CSMD1: variants seen among roughly 807,000 people sequenced by gnomAD.
CSMD1 encodes the protein CUB and Sushi multiple domains 1, also known as CUB and sushi domain-containing protein 1.
A neutral mutation model predicts 417.5 loss-of-function variants in CSMD1; 213 were observed. The observed-to-expected ratio is 0.51, with a 90% confidence interval of 0.46 to 0.57. The LOEUF (loss-of-function observed/expected upper bound fraction) is 0.57. Among genes scored for constraint, CSMD1 ranks in the 20% least tolerant of loss-of-function variants. The pLI is 0.00. For synonymous variants in CSMD1, 2,862 were observed against 1,736.8 expected, an observed-to-expected ratio of 1.65 and a Z score of -16.11; for missense variants, 6,923 against 4,529.7, an observed-to-expected ratio of 1.53 and a Z score of -15.17.
At chr8:4,176,699 GA>G (rs1563227306) in intron 3 of CSMD1, among the ~76,000 whole-genome samples, 2 of 150,750 alleles carry the variant, frequency 1.3e-5, no homozygotes, top group African/African-American at 4.9e-5. Context: ...CACGTGCAGA[GA>G]CACACATAGG....
At chr8:3,395,307 T>G (rs923407209) in intron 17 of CSMD1, among the ~76,000 whole-genome samples, 6 of 152,196 alleles carry the variant, frequency 3.9e-5, no homozygotes, top group Non-Finnish European at 8.8e-5. Flanking sequence ...TAATTGCCAC[T>G]TTTTCTCGCT....
rs182406857 is a variant in CSMD1, at chr8:4,074,446, G to C, written c.416-42347C>G. Among the ~76,000 whole-genome samples the C allele has an allele frequency of 1.2e-3, 183 of 152,092 alleles. 1 individual carries two copies. Among genetic ancestry groups the C allele is most frequent in the African/African-American group, 4.1e-3 (172 of 41,526 alleles). On this transcript the variant is annotated intron_variant, in intron 3 of 69. Coordinates refer to ENST00000635120, the MANE Select transcript of CSMD1 (RefSeq NM_033225.6). ...TTTTGTACATGATTATTTACTTTCA[G>C]AGAAGCATTTGTCCATAAACCTGTT...
At chr8:4,229,172 G>A (rs1002106633) in intron 3 of CSMD1, among the ~76,000 whole-genome samples, 5 of 152,256 alleles carry the variant, frequency 3.3e-5, no homozygotes, top group East Asian at 1.9e-4. Context: ...ACAAAAACCC[G>A]GAGTCAACTT....
At position 4,252,480 on chromosome 8, in the gene CSMD1, C is replaced by T. The variant is rs116129657; in HGVS notation, c.415+167473G>A. ...CTTGAGTTACACTCTAATACATTTC[C>T]AGGGCTTTTGAGAAGCCAGAGGCAT... On this transcript the variant is annotated intron_variant, in intron 3 of 69. Transcript: ENST00000635120. 3.2e-3 allele frequency among the ~76,000 whole-genome samples: 488 copies of T among 152,286 alleles called. 1 individual carries two copies. The highest frequency in any genetic ancestry group is 0.011 in the African/African-American group (461 of 41,560).
chr8:3,431,889 C>T (rs772203899), intron 12 of CSMD1, among the ~76,000 whole-genome samples: 2 of 152,230 alleles, frequency 1.3e-5, no homozygotes, highest in African/African-American at 4.8e-5. Context: ...ATCGGCTGCT[C>T]TTCTGCAGCA....
intron 3 of CSMD1, among the ~76,000 whole-genome samples, chr8:4,192,064 A>G (rs1238441254): frequency 1.3e-5 from 2 of 152,160 alleles, no homozygotes; most frequent in African/African-American, 2.4e-5. Flanking sequence ...TTTCATCTCA[A>G]TAGCCATTAC....
At chr8:4,109,087 A>C (rs1290293039) in intron 3 of CSMD1, among the ~76,000 whole-genome samples, 2 of 152,220 alleles carry the variant, frequency 1.3e-5, no homozygotes, top group South Asian at 4.1e-4. Flanking sequence ...AACCGCATCC[A>C]TTCTCCCTAT....
chr8:3,781,724 G>A (rs964174625), intron 5 of CSMD1, among the ~76,000 whole-genome samples: 1 of 152,160 alleles, frequency 6.6e-6, no homozygotes, highest in African/African-American at 2.4e-5. Flanking sequence ...CCCATGTGAG[G>A]GGGCCAATAT....
intron 3 of CSMD1, among the ~76,000 whole-genome samples, chr8:4,188,258 G>T (rs9644364): frequency 0.69 from 104,828 of 151,716 alleles, 36,491 homozygotes; most frequent in South Asian, 0.84. Context: ...CGCACTTTTG[G>T]AGGCCACGCT....
At chr8:3,158,621 G>T (rs1489036259) in intron 38 of CSMD1, among the ~76,000 whole-genome samples, 1 of 151,126 alleles carries the variant, frequency 6.6e-6, no homozygotes, top group Non-Finnish European at 1.5e-5. Context: ...TAAAAAATCT[G>T]TTCCAGTCTT....
intron 5 of CSMD1, among the ~76,000 whole-genome samples, chr8:3,770,849 A>C (rs1798528818): frequency 6.6e-6 from 1 of 152,174 alleles, no homozygotes; most frequent in East Asian, 1.9e-4. Flanking sequence ...AAGGAGGAAA[A>C]ACAAATGGTC....
At chr8:3,746,655 C>T (rs1282595138) in intron 6 of CSMD1, among the ~76,000 whole-genome samples, 2 of 151,982 alleles carry the variant, frequency 1.3e-5, no homozygotes, top group Admixed American at 1.3e-4. Context: ...AATTTATTCT[C>T]TTGTTTCAAC....
chr8:4,759,307 G>A (rs924930648), intron 1 of CSMD1, among the ~76,000 whole-genome samples: 2 of 152,180 alleles, frequency 1.3e-5, no homozygotes, highest in Non-Finnish European at 2.9e-5. Flanking sequence ...AAGCCAAGAG[G>A]GCATCTGGTC....
chr8:3,245,330 T>G (rs1799806128), intron 26 of CSMD1, among the ~76,000 whole-genome samples: 1 of 152,122 alleles, frequency 6.6e-6, no homozygotes, highest in Non-Finnish European at 1.5e-5. Context: ...TAGGAGCCTG[T>G]GTAAGGGCAT....
rs2975392 is a variant in CSMD1 at position 3,826,160 on chromosome 8, C to T, written c.819-72118G>A. On this transcript the variant is annotated intron_variant, in intron 5 of 69. Coordinates refer to ENST00000635120, the MANE Select transcript of CSMD1 (RefSeq NM_033225.6). ...ACTGCGAATGAATACATCAAAGTGA[C>T]GAGGCTTTGACTGAGTTGAAAGCCC... Among the ~76,000 whole-genome samples, 1,240 of 152,058 alleles carry T rather than the reference C, an allele frequency of 8.2e-3. 14 individuals are homozygous for T. Among genetic ancestry groups the T allele is most frequent in the African/African-American group, 0.023 (955 of 41,488 alleles).
intron 5 of CSMD1, among the ~76,000 whole-genome samples, chr8:3,854,960 AG>A (rs536325512): frequency 1.6e-3 from 249 of 151,682 alleles, no homozygotes; most frequent in African/African-American, 5.8e-3. Context: ...GGAAAAACAT[AG>A]CATACATACA....
At chr8:3,964,401 G>C (rs1812536492) in intron 5 of CSMD1, among the ~76,000 whole-genome samples, 2 of 152,072 alleles carry the variant, frequency 1.3e-5, no homozygotes, top group Admixed American at 1.3e-4. Context: ...GTATAATTTA[G>C]CATAGCTCCT....
Position 3,493,703 on chromosome 8 carries a change from C to T in CSMD1, c.1368G>A (p.Glu456=). Residue 456 remains glutamate (E), a synonymous_variant, in exon 11 of 70, where the codon GAG becomes GAA. Coordinates refer to ENST00000635120, the MANE Select transcript of CSMD1 (RefSeq NM_033225.6). ...TGTCATAGCCTCGCTCCAGCTCAAA[C>T]TCTTCAAAGGCAAGCTTGATGACCT... ...PDKVIKLAFE[E]FELERGYDTL... 6.2e-7 allele frequency: 1 copy of T among 1,611,526 alleles called. No homozygotes were observed. The highest frequency in any genetic ancestry group is 2.2e-5 in the East Asian group (1 of 44,798).
At chr8:4,157,721 C>G (rs1796912904) in intron 3 of CSMD1, among the ~76,000 whole-genome samples, 1 of 152,228 alleles carries the variant, frequency 6.6e-6, no homozygotes, top group African/African-American at 2.4e-5. Context: ...AGTTGTCCCT[C>G]TGGCCGTCCT....
Sources: allele counts gnomAD v4.1 joint callset (sites outside exome capture counted in the v4.1 genomes callset), GRCh38; gene constraint gnomAD v4.1.1; transcripts MANE v1.5; gene names NCBI Gene and HGNC (gene_info 2026-07-23, HGNC 2026-07-21).